Variants in SMAD7 observed in about 807,000 individuals in gnomAD.
SMAD7 encodes the protein SMAD family member 7, also known as MAD (mothers against decapentaplegic, Drosophila) homolog 7.
SMAD7 carries 8 observed loss-of-function variants against 38.7 expected under a neutral mutation model. That is an observed-to-expected ratio of 0.21 (90% CI 0.12 to 0.37). The LOEUF is 0.37. Ranked by LOEUF, SMAD7 falls within the 10% of genes least tolerant of loss-of-function variation. The pLI, the probability that SMAD7 is intolerant of heterozygous loss-of-function variation, is 1.00. For synonymous variants in SMAD7, 327 were observed against 265.1 expected, an observed-to-expected ratio of 1.23 and a Z score of -2.27; for missense variants, 477 against 577.9, an observed-to-expected ratio of 0.83 and a Z score of 1.79.
At chr18:48,949,274 G>A (rs2070232703) in intron 1 of SMAD7, 1 of 985,096 alleles carries the variant, frequency 1.0e-6, no homozygotes. Flanking sequence ...AAACTCCAAA[G>A]GTGCGCGGCC....
chr18:48,924,702 C>T (rs947697531), intron 3 of SMAD7, among the ~76,000 whole-genome samples: 1 of 152,172 alleles, frequency 6.6e-6, no homozygotes, highest in African/African-American at 2.4e-5. Flanking sequence ...CCTGCTCCTC[C>T]CTCGCTGTCC....
At chr18:48,942,770 G>A (rs990587649) in intron 2 of SMAD7, 20 of 1,408,114 alleles carry the variant, frequency 1.4e-5, no homozygotes, top group Admixed American at 1.3e-4. Context: ...GCTCCGGGCA[G>A]CCAGTTAATC....
intron 1 of SMAD7, chr18:48,949,375 C>G (rs2070234005): frequency 1.5e-5 from 9 of 587,966 alleles, no homozygotes; most frequent in Non-Finnish European, 1.9e-5. Context: ...TATAGCACGC[C>G]TCTCCCAGCC....
Position 48,947,458 on chromosome 18 carries a change from C to T in SMAD7, c.667+926G>A, listed in dbSNP as rs1209175803. ...GCCCAACCCTTCACTTTTCCTTCTC[C>T]CAGAACCTTGGCAAAATAAAAATGT... On this transcript the variant is annotated intron_variant, in intron 2 of 3. Coordinates refer to ENST00000262158, the MANE Select transcript of SMAD7 (RefSeq NM_005904.4). Among the ~76,000 whole-genome samples the T allele has an allele frequency of 2.6e-5, 4 of 152,196 alleles. 1 individual carries two copies. Among genetic ancestry groups the T allele is most frequent in the Admixed American group, 2.6e-4 (4 of 15,288 alleles).
At chr18:48,931,795 G>C (rs1231623086) in intron 3 of SMAD7, among the ~76,000 whole-genome samples, 1 of 152,230 alleles carries the variant, frequency 6.6e-6, no homozygotes, top group Non-Finnish European at 1.5e-5. Flanking sequence ...TGAGACACTC[G>C]GCCTCAACCC....
chr18:48,945,098 C>G (rs1002661424), intron 2 of SMAD7, among the ~76,000 whole-genome samples: 2 of 152,180 alleles, frequency 1.3e-5, no homozygotes, highest in African/African-American at 4.8e-5. Flanking sequence ...CACCACTGTA[C>G]CCCAAGGGTC....
chr18:48,946,880 G>A (rs2070201197), intron 2 of SMAD7, among the ~76,000 whole-genome samples: 1 of 152,146 alleles, frequency 6.6e-6, no homozygotes, highest in Non-Finnish European at 1.5e-5. Context: ...ATGGTTTTTG[G>A]AGGTTTCTGG....
intron 1 of SMAD7, chr18:48,949,386 T>C (rs1011222854): frequency 5.5e-6 from 3 of 546,490 alleles, no homozygotes; most frequent in Non-Finnish European, 7.0e-6. Context: ...TCTCCCAGCC[T>C]TCCTTGGCGG....
At chr18:48,935,062 C>T (rs1352099348) in intron 3 of SMAD7, among the ~76,000 whole-genome samples, 2 of 152,076 alleles carry the variant, frequency 1.3e-5, no homozygotes, top group African/African-American at 4.8e-5. Flanking sequence ...GAGTTGGCTT[C>T]GTAAGAAGCC....
rs975675091 is a variant in SMAD7, at chr18:48,950,012, G to A, written c.413C>T (p.Pro138Leu). 16 of 1,569,838 alleles carry A rather than the reference G, an allele frequency of 1.0e-5. 1 individual carries two copies. The East Asian group carries it at 1.2e-4, about 12-fold the overall frequency. The change falls in exon 1 of 4, where the codon CCG becomes CTG. Residue 138 changes from proline (P) to leucine (L), a missense_variant. Pro to Leu is a moderately conservative substitution (Grantham distance 98). Coordinates refer to ENST00000262158, the MANE Select transcript of SMAD7 (RefSeq NM_005904.4). ...LPGRLDCRLGPGAPAGAQPAQ... is the reference protein window; with the variant it reads ...LPGRLDCRLGLGAPAGAQPAQ... ...AGGCTGCGCGCCGGCGGGCGCCCCC[G>A]GGCCCAGCCTGCAGTCCAGGCGGCC...
chr18:48,923,020 G>A (rs913305560), intron 3 of SMAD7, among the ~76,000 whole-genome samples: 2 of 152,180 alleles, frequency 1.3e-5, no homozygotes, highest in African/African-American at 4.8e-5. Flanking sequence ...AGGAGCCAGC[G>A]GGCAGGCCTC....
chr18:48,921,331 T>C lies in SMAD7; in HGVS notation c.*41A>G. ...ATATTAGCAGCAAAGTAGTTTGAAG[T>C]GTGGCCTGCTCAGCTCACGCTCTGT... On this transcript the variant is annotated 3_prime_UTR_variant, in exon 4 of 4. Coordinates refer to ENST00000262158, the MANE Select transcript of SMAD7 (RefSeq NM_005904.4). The surrounding 1 kb of genome is among the most constrained non-coding windows in gnomAD (Gnocchi z 6.4). The C allele has an allele frequency of 6.5e-7, 1 of 1,538,158 alleles. No individual in the cohort carries two copies. The highest frequency in any genetic ancestry group is 8.8e-7 in the Non-Finnish European group (1 of 1,132,220).
In SMAD7 at chr18:48,948,570, G is replaced by T. The variant is rs185103562; in HGVS notation, c.614-133C>A. On this transcript the variant is annotated intron_variant, in intron 1 of 3. Transcript: ENST00000262158. ...GGGGTTGGAGGCAGGGCCGCGAGGC[G>T]GTGATTGCCTTGATATTTAGCTGTC... 57 of 579,116 alleles carry T rather than the reference G, an allele frequency of 9.8e-5. No homozygotes were observed. The African/African-American group carries it at 1.1e-3, about 11-fold the overall frequency. 35.9% of individuals were successfully genotyped at this position (579,116 alleles called of 1,614,324 possible). A position where few individuals can be genotyped will look rare whatever the true frequency, so the allele number is the denominator to read the frequency against.
intron 2 of SMAD7, among the ~76,000 whole-genome samples, chr18:48,946,589 A>G (rs2070198646): frequency 1.3e-5 from 2 of 152,330 alleles, no homozygotes; most frequent in South Asian, 2.1e-4. Flanking sequence ...GTTTTGGGTG[A>G]GTAACCAGCT....
At chr18:48,938,645 C>T (rs893389852) in intron 3 of SMAD7, among the ~76,000 whole-genome samples, 1 of 152,092 alleles carries the variant, frequency 6.6e-6, no homozygotes, top group African/African-American at 2.4e-5. Context: ...GATGCTGCTC[C>T]CTCAACCCAC....
chr18:48,926,378 A>G (rs1220484324), intron 3 of SMAD7, among the ~76,000 whole-genome samples: 1 of 152,232 alleles, frequency 6.6e-6, no homozygotes, highest in Non-Finnish European at 1.5e-5. Flanking sequence ...CCACGGTTAA[A>G]TGTGCCCAAT....
intron 3 of SMAD7, among the ~76,000 whole-genome samples, chr18:48,940,363 G>C (rs1157022069): frequency 2.0e-5 from 3 of 152,160 alleles, no homozygotes; most frequent in Non-Finnish European, 4.4e-5. Context: ...ATTAATATCT[G>C]TGTCTACAAT....
intron 2 of SMAD7, among the ~76,000 whole-genome samples, chr18:48,946,224 G>T (rs2070193298): frequency 6.6e-6 from 1 of 152,168 alleles, no homozygotes; most frequent in Non-Finnish European, 1.5e-5. Flanking sequence ...CTTTGTGCCT[G>T]TTTCATCTAG....
intron 1 of SMAD7, among the ~76,000 whole-genome samples, chr18:48,948,801 GCCCC>G (rs1405847124): frequency 6.6e-6 from 1 of 152,138 alleles, no homozygotes; most frequent in East Asian, 1.9e-4. Context: ...TCGGCTCCCC[GCCCC>G]GGCCCGCCCC....
Sources: gnomAD v4.1 joint callset for allele counts (sites outside exome capture counted in the v4.1 genomes callset) on GRCh38, gnomAD v4.1.1 for gene constraint, Gnocchi (gnomAD v3.1) non-coding constraint, MANE v1.5 for transcripts, NCBI Gene and HGNC (gene_info 2026-07-23, HGNC 2026-07-21) for gene names.